The following SNTA1 variants were observed in gnomAD, a reference collection of about 807,000 sequenced individuals.
SNTA1 encodes alpha-1-syntrophin.
SNTA1 carries 31 observed loss-of-function variants against 47.1 expected under a neutral mutation model. That is an observed-to-expected ratio of 0.66 (90% CI 0.49 to 0.89). The LOEUF is 0.89. SNTA1 is among the 40% of genes least tolerant of loss of function. The pLI, the probability that SNTA1 is intolerant of heterozygous loss-of-function variation, is 0.00. For missense variants in SNTA1, 575 were observed against 693.0 expected (o/e 0.83, Z 1.91); for synonymous variants, 300 against 313.6 (o/e 0.96, Z 0.46).
chr20:33,431,757 AAAC>A (rs2146796964), intron 2 of SNTA1, among the ~76,000 whole-genome samples: 1 of 152,196 alleles, frequency 6.6e-6, no homozygotes, highest in African/African-American at 2.4e-5. Flanking sequence ...TCAAAGAAAA[AAAC>A]AAGCATAGGG....
In SNTA1 at chr20:33,436,866, T is replaced by C. The variant is rs1990451981; in HGVS notation, c.496+1975A>G. Among the ~76,000 whole-genome samples, 4 of 145,382 alleles carry C rather than the reference T, an allele frequency of 2.8e-5. No individual in the cohort carries two copies. In the South Asian group the frequency reaches 8.5e-4, roughly 31 times the overall value. On this transcript the variant is annotated intron_variant, in intron 2 of 7. Transcript: ENST00000217381. ...CTGTAGTCCCAGCTACTCGGAAGGC[T>C]AAGGCAGAAGAATCGCTTGAACCTG...
Position 33,437,748 on chromosome 20 carries a change from C to T in SNTA1, c.496+1093G>A, listed in dbSNP as rs925180926. ...CAGAGACACATTCCTCAGGCCCCCACGGGGCTTCCAGAGCTGACAGAGTTT... is the reference window on the plus strand; with the variant it reads ...CAGAGACACATTCCTCAGGCCCCCATGGGGCTTCCAGAGCTGACAGAGTTT... On this transcript the variant is annotated intron_variant, in intron 2 of 7. Coordinates refer to ENST00000217381, the MANE Select transcript of SNTA1 (RefSeq NM_003098.3). Among the ~76,000 whole-genome samples the T allele has an allele frequency of 3.9e-5, 6 of 152,312 alleles. No individual in the cohort carries two copies. The East Asian group carries it at 1.2e-3, about 29-fold the overall frequency.
At chr20:33,432,614 G>A (rs1457402247) in intron 2 of SNTA1, among the ~76,000 whole-genome samples, 1 of 152,202 alleles carries the variant, frequency 6.6e-6, no homozygotes, top group East Asian at 1.9e-4. Flanking sequence ...AGTGGCTCAT[G>A]CCTGTAACCC....
intron 3 of SNTA1, among the ~76,000 whole-genome samples, chr20:33,415,169 A>T (rs959424180): frequency 6.6e-6 from 1 of 152,198 alleles, no homozygotes; most frequent in Non-Finnish European, 1.5e-5. Context: ...ACAAACACAC[A>T]TGTACAAATC....
intron 2 of SNTA1, among the ~76,000 whole-genome samples, chr20:33,421,631 A>G (rs991364660): frequency 6.6e-6 from 1 of 151,084 alleles, no homozygotes; most frequent in Non-Finnish European, 1.5e-5. Flanking sequence ...AATAATAAAA[A>G]TAAAAAATAA....
chr20:33,425,031 G>A (rs746867021), intron 2 of SNTA1, among the ~76,000 whole-genome samples: 1 of 151,298 alleles, frequency 6.6e-6, no homozygotes, highest in South Asian at 2.1e-4. Context: ...CAGGAGAATC[G>A]CTTGAACCCA....
At chr20:33,439,425 G>A (rs547840155) in intron 1 of SNTA1, among the ~76,000 whole-genome samples, 2 of 152,158 alleles carry the variant, frequency 1.3e-5, no homozygotes, top group African/African-American at 4.8e-5. Flanking sequence ...CCAGGAGGTC[G>A]AGGCTGCAGT....
chr20:33,423,111 A>G (rs1490565765), intron 2 of SNTA1, among the ~76,000 whole-genome samples: 2 of 152,196 alleles, frequency 1.3e-5, no homozygotes, highest in Non-Finnish European at 2.9e-5. Context: ...ACATTTGTCA[A>G]CTTTGAAGCC....
chr20:33,438,082 C>A (rs1040399545), intron 2 of SNTA1, among the ~76,000 whole-genome samples: 2 of 152,186 alleles, frequency 1.3e-5, no homozygotes, highest in African/African-American at 4.8e-5. Flanking sequence ...GGGTGGATCA[C>A]CTAAGGCCAG....
intron 2 of SNTA1, among the ~76,000 whole-genome samples, chr20:33,430,755 C>T (rs1337511483): frequency 6.6e-6 from 1 of 151,616 alleles, no homozygotes; most frequent in Non-Finnish European, 1.5e-5. Context: ...TCGAGACCAG[C>T]CTGGCTAACA....
chr20:33,442,261 G>C (rs566280372), intron 1 of SNTA1, among the ~76,000 whole-genome samples: 2 of 152,088 alleles, frequency 1.3e-5, no homozygotes, highest in Non-Finnish European at 2.9e-5. Context: ...CAAGCCAAAC[G>C]GTCTGGAGGC....
chr20:33,438,137 CAAAAATATAAAA>C (rs1990486802), intron 2 of SNTA1, among the ~76,000 whole-genome samples: 1 of 152,022 alleles, frequency 6.6e-6, no homozygotes, highest in Non-Finnish European at 1.5e-5. Flanking sequence ...CCTGTCTCTA[CAAAAATATAAAA>C]ATTAGCTGGG....
At chr20:33,433,270 C>CT (rs921972864) in intron 2 of SNTA1, among the ~76,000 whole-genome samples, 9 of 144,502 alleles carry the variant, frequency 6.2e-5, no homozygotes, top group East Asian at 6.1e-4. Context: ...TTTCTTTTTT[C>CT]TTTTTTTTTT....
intron 2 of SNTA1, among the ~76,000 whole-genome samples, chr20:33,424,584 G>A (rs987828705): frequency 9.9e-5 from 15 of 152,010 alleles, no homozygotes; most frequent in Admixed American, 8.5e-4. Context: ...TATGATCACA[G>A]CTCACTGCAG....
rs953883882 is a variant in SNTA1 at position 33,412,501 on chromosome 20, A to G, written c.909+74T>C. 75 of 1,601,468 alleles carry G rather than the reference A, an allele frequency of 4.7e-5. No individual in the cohort carries two copies. The Middle Eastern group carries it at 6.0e-4, about 13-fold the overall frequency. On this transcript the variant is annotated intron_variant, in intron 4 of 7. Coordinates refer to ENST00000217381, the MANE Select transcript of SNTA1 (RefSeq NM_003098.3). ...AGGGCCAGGGCAGGGTGAGGTGGCC[A>G]GGGGCACTGGGAACAGGGCCAGCTC...
intron 2 of SNTA1, among the ~76,000 whole-genome samples, chr20:33,429,045 A>G (rs569896072): frequency 4.5e-4 from 68 of 151,758 alleles, no homozygotes; most frequent in Non-Finnish European, 5.3e-4. Context: ...GGTCTCAAAA[A>G]AAACAAAAAT....
chr20:33,434,822 G>A (rs968856759), intron 2 of SNTA1, among the ~76,000 whole-genome samples: 7 of 151,648 alleles, frequency 4.6e-5, no homozygotes, highest in African/African-American at 1.5e-4. Flanking sequence ...ACAGGCGTAA[G>A]CCACCACGCC....
At chr20:33,438,812 C>T in intron 2 of SNTA1, 29 bp downstream of exon 2, 1 of 1,597,030 alleles carries the variant, frequency 6.3e-7, no homozygotes, top group Non-Finnish European at 8.6e-7. Flanking sequence ...CCACCCAGCC[C>T]CTCTGAACCC....
intron 2 of SNTA1, among the ~76,000 whole-genome samples, chr20:33,435,795 T>C (rs998830033): frequency 2.0e-5 from 3 of 152,114 alleles, no homozygotes; most frequent in African/African-American, 4.8e-5. Context: ...AAGGCTTGAG[T>C]ATTCACTCCT....
Sources: gnomAD v4.1 joint callset for allele counts (sites outside exome capture counted in the v4.1 genomes callset) on GRCh38, gnomAD v4.1.1 for gene constraint, MANE v1.5 for transcripts, NCBI Gene and HGNC (gene_info 2026-07-23, HGNC 2026-07-21) for gene names.